The following SCTR variants were observed in gnomAD, a reference collection of about 807,000 sequenced individuals.
SCTR encodes the protein pancreatic secretin receptor.
SCTR carries 56 observed loss-of-function variants against 60.8 expected under a neutral mutation model. That is an observed-to-expected ratio of 0.92 (90% CI 0.74 to 1.15). The LOEUF is 1.15. Among genes scored for constraint, SCTR ranks in the 50% most tolerant of loss-of-function variants. The pLI is 0.00. For missense variants in SCTR, 562 were observed against 550.4 expected (o/e 1.02, Z -0.21); for synonymous variants, 202 against 217.0 (o/e 0.93, Z 0.61).
intron 6 of SCTR, among the ~76,000 whole-genome samples, chr2:119,462,785 G>A (rs1294796399): frequency 6.6e-6 from 1 of 152,208 alleles, no homozygotes; most frequent in South Asian, 2.1e-4. Flanking sequence ...AGGAGCGCCC[G>A]GTGCTGCCTG....
At chr2:119,460,416 A>G (rs886702198) in intron 7 of SCTR, among the ~76,000 whole-genome samples, 3 of 147,208 alleles carry the variant, frequency 2.0e-5, no homozygotes, top group Admixed American at 6.7e-5. Flanking sequence ...GAGTGGGTGG[A>G]TGTGTGCATG....
chr2:119,510,570 T>C (rs1377249455), intron 1 of SCTR, among the ~76,000 whole-genome samples: 2 of 152,178 alleles, frequency 1.3e-5, no homozygotes, highest in Non-Finnish European at 2.9e-5. Context: ...TATATGCATG[T>C]GTATATGTAC....
chr2:119,514,872 G>T (rs1558883521), intron 1 of SCTR, among the ~76,000 whole-genome samples: 1 of 151,830 alleles, frequency 6.6e-6, no homozygotes, highest in Non-Finnish European at 1.5e-5. Context: ...GCTAGACTCT[G>T]TCTCAAAAGA....
At chr2:119,453,195 C>T in intron 8 of SCTR, 92 bp downstream of exon 8, 1 of 1,000,126 alleles carries the variant, frequency 1.0e-6, no homozygotes, top group Admixed American at 1.8e-5. Context: ...AGAAAAAGGC[C>T]TTTCCTAGAT....
chr2:119,470,947 C>T (rs1262731941), intron 4 of SCTR, among the ~76,000 whole-genome samples: 2 of 152,160 alleles, frequency 1.3e-5, no homozygotes, highest in Non-Finnish European at 2.9e-5. Context: ...GTGATCCACC[C>T]GTCTCGACCT....
intron 1 of SCTR, among the ~76,000 whole-genome samples, chr2:119,511,070 G>T (rs1678915178): frequency 6.6e-6 from 1 of 152,172 alleles, no homozygotes; most frequent in Admixed American, 6.5e-5. Context: ...AGGCGTGATG[G>T]CGAGCACCTG....
At chr2:119,465,375 A>T (rs1353121315) in intron 5 of SCTR, among the ~76,000 whole-genome samples, 1 of 152,172 alleles carries the variant, frequency 6.6e-6, no homozygotes, top group Non-Finnish European at 1.5e-5. Context: ...CTGAACACCT[A>T]GATCCAGCCA....
chr2:119,514,699 A>T (rs1002208845), intron 1 of SCTR, among the ~76,000 whole-genome samples: 1 of 152,120 alleles, frequency 6.6e-6, no homozygotes, highest in Non-Finnish European at 1.5e-5. Flanking sequence ...AACATGGAGA[A>T]ACCCCGTCTC....
At chr2:119,452,276 G>A (rs1683203203) in intron 8 of SCTR, among the ~76,000 whole-genome samples, 197 bp from the exon 9 acceptor site, 1 of 152,192 alleles carries the variant, frequency 6.6e-6, no homozygotes. Context: ...TGAGGGAGTG[G>A]CCACCTGTCT....
intron 9 of SCTR, among the ~76,000 whole-genome samples, chr2:119,450,770 G>C (rs1360140631): frequency 2.6e-5 from 4 of 152,106 alleles, no homozygotes; most frequent in Non-Finnish European, 2.9e-5. Context: ...AGGAATTCAA[G>C]ACCAGCCTGG....
chr2:119,448,686 T>G lies in SCTR; in HGVS notation c.1013+3A>C, dbSNP rs1047082470. 6.5e-7 allele frequency: 1 copy of G among 1,539,066 alleles called. No individual in the cohort carries two copies. The highest frequency in any genetic ancestry group is 2.2e-5 in the East Asian group (1 of 44,532). On this transcript the variant is annotated splice_donor_region_variant and intron_variant, in intron 10 of 12. Coordinates refer to ENST00000019103, the MANE Select transcript of SCTR (RefSeq NM_002980.3). ...CATGCCTCAGTCTTTGCCCTTCACT[T>G]ACTTATAATGGCTGACTTCATTTCC...
chr2:119,440,432 G>C (rs1003522398), intron 12 of SCTR, among the ~76,000 whole-genome samples, 175 bp from the exon 13 acceptor site: 1 of 152,208 alleles, frequency 6.6e-6, no homozygotes, highest in Non-Finnish European at 1.5e-5. Context: ...AGTAGCTACT[G>C]AGGGTCCCCT....
At chr2:119,494,267 C>T (rs369934791) in intron 2 of SCTR, among the ~76,000 whole-genome samples, 161 bp downstream of exon 2, 2 of 152,182 alleles carry the variant, frequency 1.3e-5, no homozygotes, top group South Asian at 2.1e-4. Flanking sequence ...ATCTGCTCAC[C>T]AGAACCACTC....
At chr2:119,493,636 T>C (rs1678221999) in intron 2 of SCTR, among the ~76,000 whole-genome samples, 1 of 102,502 alleles carries the variant, frequency 9.8e-6, no homozygotes, top group Admixed American at 1.2e-4. Context: ...ACCTCCATTC[T>C]TCTTCTTTTT....
chr2:119,473,659 G>A (rs566932510), intron 3 of SCTR, 103 bp from the exon 4 acceptor site: 44 of 756,524 alleles, frequency 5.8e-5, no homozygotes, highest in Non-Finnish European at 9.8e-5. Flanking sequence ...ACTCTATAGT[G>A]TGGAAACTGA....
intron 11 of SCTR, among the ~76,000 whole-genome samples, chr2:119,445,236 G>A (rs550631792): frequency 3.3e-4 from 50 of 152,128 alleles, no homozygotes; most frequent in East Asian, 7.7e-4. Flanking sequence ...CCTTCCACCC[G>A]ACTGGTCCTC....
At chr2:119,496,487 T>C (rs555647647) in intron 1 of SCTR, among the ~76,000 whole-genome samples, 1 of 152,304 alleles carries the variant, frequency 6.6e-6, no homozygotes, top group African/African-American at 2.4e-5. Flanking sequence ...ATGGGTTAGA[T>C]GTACTTTTCC....
rs372101388 is a variant in SCTR at position 119,473,572 on chromosome 2, G to C, written c.302-16C>G. 1.9e-6 allele frequency: 3 copies of C among 1,553,588 alleles called. No homozygotes were observed. Among genetic ancestry groups the C allele is most frequent in the African/African-American group, 2.7e-5 (2 of 73,580 alleles). ...AACAAGGAACCTGTGGGTGCCAAGA[G>C]TCCTGTAGGTGAGCCATGGGCCCAG... On this transcript the variant is annotated splice_polypyrimidine_tract_variant and intron_variant, in intron 3 of 12. Coordinates refer to ENST00000019103, the MANE Select transcript of SCTR (RefSeq NM_002980.3).
At chr2:119,501,192 C>T (rs1385162157) in intron 1 of SCTR, among the ~76,000 whole-genome samples, 6 of 152,214 alleles carry the variant, frequency 3.9e-5, no homozygotes, top group South Asian at 2.1e-4. Context: ...AGGTGGATCA[C>T]GAGGTCAGGA....
Sources: gnomAD v4.1 joint callset for allele counts (sites outside exome capture counted in the v4.1 genomes callset) on GRCh38, gnomAD v4.1.1 for gene constraint, MANE v1.5 for transcripts, NCBI Gene and HGNC (gene_info 2026-07-23, HGNC 2026-07-21) for gene names.